Variants in USP32 observed in about 807,000 individuals in gnomAD.
The protein encoded by USP32 is ubiquitin carboxyl-terminal hydrolase 32.
In USP32, 59 loss-of-function variants were observed where a neutral mutation model predicts 204.8. The observed-to-expected ratio is 0.29, with a 90% CI of 0.23 to 0.36. The LOEUF (loss-of-function observed/expected upper bound fraction) is 0.36. USP32 is among the 10% of genes least tolerant of loss of function. The pLI is 1.00. For missense variants in USP32, 1,160 were observed against 1,946.4 expected (o/e 0.60, Z 7.60); for synonymous variants, 517 against 678.4 (o/e 0.76, Z 3.70).
chr17:60,226,750 C>T (rs2085402156), intron 12 of USP32, among the ~76,000 whole-genome samples: 1 of 151,948 alleles, frequency 6.6e-6, no homozygotes, highest in Admixed American at 6.6e-5. Context: ...GAGTGAAGGG[C>T]AATGCTATGA....
intron 1 of USP32, among the ~76,000 whole-genome samples, chr17:60,420,675 CAACA>C (rs962671352): frequency 1.3e-5 from 2 of 152,160 alleles, no homozygotes; most frequent in East Asian, 1.9e-4. Flanking sequence ...CAAAAACAAA[CAACA>C]AACAAACAAA....
At chr17:60,222,631 CA>C (rs1181227208) in intron 14 of USP32, 82 bp from the exon 15 acceptor site, 10 of 1,088,062 alleles carry the variant, frequency 9.2e-6, no homozygotes, top group East Asian at 2.9e-5. Flanking sequence ...AACAGGAAAA[CA>C]AACTCATATA....
chr17:60,220,894 C>T (rs1439594216), intron 15 of USP32, among the ~76,000 whole-genome samples: 1 of 151,986 alleles, frequency 6.6e-6, no homozygotes, highest in Non-Finnish European at 1.5e-5. Context: ...GTGATCCGCC[C>T]GCCTCAGCCT....
At chr17:60,412,982 T>G (rs937543735) in intron 1 of USP32, among the ~76,000 whole-genome samples, 1 of 152,198 alleles carries the variant, frequency 6.6e-6, no homozygotes, top group Non-Finnish European at 1.5e-5. Flanking sequence ...TTCTGCAGTG[T>G]TATTTTGATA....
intron 4 of USP32, among the ~76,000 whole-genome samples, chr17:60,294,048 AT>A (rs1174134199): frequency 6.6e-6 from 1 of 152,190 alleles, no homozygotes; most frequent in African/African-American, 2.4e-5. Context: ...AAAATATATT[AT>A]TTTTGAAAAC....
chr17:60,275,260 C>A (rs1337377098), intron 5 of USP32, among the ~76,000 whole-genome samples: 2 of 152,162 alleles, frequency 1.3e-5, no homozygotes. Flanking sequence ...AGTACAAGAC[C>A]AGCCTAGGAA....
intron 2 of USP32, chr17:60,305,026 CAG>C (rs1241267868): frequency 1.6e-4 from 24 of 152,148 alleles, no homozygotes; most frequent in African/African-American, 5.8e-4. Flanking sequence ...AATGAAGCAG[CAG>C]AGTCAGAATT....
At chr17:60,334,005 G>A (rs1172220015) in intron 2 of USP32, among the ~76,000 whole-genome samples, 2 of 152,062 alleles carry the variant, frequency 1.3e-5, no homozygotes, top group Non-Finnish European at 2.9e-5. Flanking sequence ...TTAGGGTACT[G>A]CACTAAACAC....
chr17:60,320,455 C>T (rs1447900220), intron 2 of USP32, among the ~76,000 whole-genome samples: 16 of 152,006 alleles, frequency 1.1e-4, no homozygotes, highest in Admixed American at 9.2e-4. Context: ...CATCCCATCA[C>T]ACGGCACACT....
At chr17:60,385,288 T>C (rs2089711034) in intron 1 of USP32, among the ~76,000 whole-genome samples, 1 of 152,138 alleles carries the variant, frequency 6.6e-6, no homozygotes. Context: ...GCCCCATCCC[T>C]ATCTCCCTTC....
chr17:60,384,198 T>C (rs570578069), intron 1 of USP32, among the ~76,000 whole-genome samples: 1 of 152,332 alleles, frequency 6.6e-6, no homozygotes, highest in Non-Finnish European at 1.5e-5. Context: ...GAAAGACTAG[T>C]GGAGGCCTAT....
intron 9 of USP32, chr17:60,258,459 T>C (rs915726907): frequency 6.2e-6 from 1 of 160,274 alleles, no homozygotes; most frequent in Non-Finnish European, 1.5e-5. Context: ...TATGCCATTA[T>C]GCACATCAGT....
chr17:60,205,862 A>G (rs147204628), intron 25 of USP32, among the ~76,000 whole-genome samples: 201 of 152,322 alleles, frequency 1.3e-3, no homozygotes, highest in African/African-American at 4.6e-3. Context: ...CCAAATGAAA[A>G]GGAAAGAGTA....
chr17:60,324,059 T>G (rs1020167997), intron 2 of USP32, among the ~76,000 whole-genome samples: 2 of 152,140 alleles, frequency 1.3e-5, no homozygotes, highest in African/African-American at 4.8e-5. Flanking sequence ...GGTAAGAAGA[T>G]TGCTTGAGGC....
chr17:60,272,932 A>G (rs894920115), intron 5 of USP32, among the ~76,000 whole-genome samples: 1 of 152,192 alleles, frequency 6.6e-6, no homozygotes, highest in African/African-American at 2.4e-5. Context: ...AGTGAATACA[A>G]TGAGGCTGGG....
intron 2 of USP32, among the ~76,000 whole-genome samples, chr17:60,308,073 G>A (rs1230984404): frequency 6.6e-6 from 1 of 152,168 alleles, no homozygotes; most frequent in Non-Finnish European, 1.5e-5. Flanking sequence ...TCCCCTTCTG[G>A]CTCACCGTCC....
intron 2 of USP32, among the ~76,000 whole-genome samples, chr17:60,327,370 C>T (rs1295710542): frequency 2.0e-5 from 3 of 151,304 alleles, no homozygotes; most frequent in Non-Finnish European, 2.9e-5. Context: ...CTCCACGTCA[C>T]CGAAGCAGCC....
intron 4 of USP32, among the ~76,000 whole-genome samples, chr17:60,290,002 T>C (rs2087231048): frequency 6.6e-6 from 1 of 152,216 alleles, no homozygotes. Context: ...ATTGACAGTC[T>C]TGTTTTTCTG....
At chr17:60,199,976 A>AT (rs965873795) in intron 26 of USP32, among the ~76,000 whole-genome samples, 1 of 152,132 alleles carries the variant, frequency 6.6e-6, no homozygotes, top group African/African-American at 2.4e-5. Flanking sequence ...CGGGCGGATC[A>AT]TGAGGTCAGG....
Sources: allele counts gnomAD v4.1 joint callset (sites outside exome capture counted in the v4.1 genomes callset), GRCh38; gene constraint gnomAD v4.1.1; transcripts MANE v1.5; gene names NCBI Gene and HGNC (gene_info 2026-07-23, HGNC 2026-07-21).